Variants in WNT7A observed in about 807,000 individuals in gnomAD.
WNT7A encodes protein Wnt-7a.
Under a neutral mutation model 28.2 loss-of-function variants are expected in WNT7A, and 16 were observed. The ratio of observed to expected loss-of-function variants is 0.57; its 90% CI spans 0.38 to 0.86. The LOEUF (loss-of-function observed/expected upper bound fraction) is 0.86, where lower values mean the gene tolerates loss of function less well. Ranked by LOEUF, WNT7A falls within the 40% of genes least tolerant of loss-of-function variation. The pLI, the probability that WNT7A is intolerant of heterozygous loss-of-function variation, is 0.00. For missense variants in WNT7A, 411 were observed against 489.7 expected (o/e 0.84, Z 1.52); for synonymous variants, 190 against 195.9 (o/e 0.97, Z 0.25).
At chr3:13,867,832 T>C (rs867847321) in intron 2 of WNT7A, among the ~76,000 whole-genome samples, 5 of 151,996 alleles carry the variant, frequency 3.3e-5, no homozygotes, top group African/African-American at 7.3e-5. Context: ...AGCCAGTAAA[T>C]ACAGGAAGAT....
intron 2 of WNT7A, among the ~76,000 whole-genome samples, chr3:13,861,806 G>A (rs13069140): frequency 0.1 from 15,619 of 152,222 alleles, 844 homozygotes; most frequent in Admixed American, 0.14. Flanking sequence ...GCTCCTACTG[G>A]AATGATAGCT....
intron 3 of WNT7A, among the ~76,000 whole-genome samples, chr3:13,822,592 G>A (rs578236249): frequency 9.2e-5 from 14 of 152,318 alleles, no homozygotes; most frequent in African/African-American, 2.9e-4. Context: ...TAATGGGTAC[G>A]GGTTTCTTTC....
chr3:13,834,070 C>T (rs1273828092), intron 3 of WNT7A, among the ~76,000 whole-genome samples: 1 of 152,214 alleles, frequency 6.6e-6, no homozygotes, highest in Non-Finnish European at 1.5e-5. Context: ...CGCAAACTTG[C>T]TCCCGTTCCT....
At chr3:13,879,500 G>C (rs775812566) in intron 1 of WNT7A, among the ~76,000 whole-genome samples, 2 of 152,030 alleles carry the variant, frequency 1.3e-5, no homozygotes, top group Non-Finnish European at 2.9e-5. Flanking sequence ...CGTCCCTACC[G>C]GCTGTCTCTG....
intron 2 of WNT7A, among the ~76,000 whole-genome samples, chr3:13,859,291 G>A (rs1188889941): frequency 1.3e-5 from 2 of 152,182 alleles, no homozygotes; most frequent in Non-Finnish European, 2.9e-5. Flanking sequence ...TGTGTGAGGG[G>A]TGAGACAGAC....
intron 3 of WNT7A, among the ~76,000 whole-genome samples, chr3:13,854,066 A>T (rs1481214080): frequency 1.3e-5 from 2 of 152,036 alleles, no homozygotes; most frequent in East Asian, 3.9e-4. Context: ...GGGGCAGACC[A>T]GGTGAGCAAT....
intron 2 of WNT7A, among the ~76,000 whole-genome samples, chr3:13,860,342 C>A (rs1694809242): frequency 6.6e-6 from 1 of 152,228 alleles, no homozygotes; most frequent in Admixed American, 6.5e-5. Context: ...CCCACCAGTG[C>A]ATGGAAACCC....
chr3:13,871,112 T>C (rs756512733), intron 2 of WNT7A, among the ~76,000 whole-genome samples: 3 of 152,228 alleles, frequency 2.0e-5, no homozygotes, highest in Non-Finnish European at 4.4e-5. Context: ...CAGCTAGATG[T>C]GGCCATGTGA....
intron 3 of WNT7A, among the ~76,000 whole-genome samples, 159 bp from the exon 4 acceptor site, chr3:13,819,582 C>A (rs749238701): frequency 2.1e-5 from 3 of 144,674 alleles, no homozygotes; most frequent in Non-Finnish European, 4.5e-5. Context: ...GGATTCTAGG[C>A]CCTCTCATTC....
intron 1 of WNT7A, among the ~76,000 whole-genome samples, chr3:13,878,014 C>A (rs1295391490): frequency 6.6e-6 from 1 of 152,218 alleles, no homozygotes; most frequent in East Asian, 1.9e-4. Context: ...GCGCAGGGAG[C>A]AGCAGGGCCT....
In WNT7A at chr3:13,818,784, AT is replaced by A. The variant is rs202159136; in HGVS notation, c.*159del. 332 of 1,144,564 alleles carry A rather than the reference AT, an allele frequency of 2.9e-4. 1 individual carries two copies. Among genetic ancestry groups the A allele is most frequent in the Middle Eastern group, 8.9e-4 (3 of 3,376 alleles). The allele number at this position is 1,144,564 out of a possible 1,614,324, so 70.9% of individuals were successfully genotyped here. A position where few individuals can be genotyped will look rare whatever the true frequency, so the allele number is the denominator to read the frequency against. On this transcript the variant is annotated 3_prime_UTR_variant, in exon 4 of 4. Transcript: ENST00000285018. Reference sequence around the variant, plus strand: ...ACAGAATAGTTGAGGGCTCTGAGAGATTTTTTTTCCCCCACGGATGCCTGCA... The same window carrying A: ...ACAGAATAGTTGAGGGCTCTGAGAGATTTTTTTCCCCCACGGATGCCTGCA...
intron 3 of WNT7A, among the ~76,000 whole-genome samples, chr3:13,840,232 T>C (rs1045797704): frequency 6.6e-6 from 1 of 152,204 alleles, no homozygotes; most frequent in African/African-American, 2.4e-5. Flanking sequence ...TAAAATAAAA[T>C]GCCCCTGCTC....
At chr3:13,862,270 C>T (rs897053211) in intron 2 of WNT7A, among the ~76,000 whole-genome samples, 42 of 152,254 alleles carry the variant, frequency 2.8e-4, no homozygotes, top group Admixed American at 9.2e-4. Context: ...GTGGTTCCAG[C>T]TCCATAACGA....
At chr3:13,854,501 C>T (rs761798421) in intron 3 of WNT7A, 31 bp downstream of exon 3, 39 of 1,613,660 alleles carry the variant, frequency 2.4e-5, no homozygotes, top group South Asian at 5.5e-5. Flanking sequence ...TCTCCGCGAG[C>T]GCCGCCCAGC....
intron 2 of WNT7A, among the ~76,000 whole-genome samples, chr3:13,867,892 A>G (rs1414163041): frequency 2.0e-5 from 3 of 152,156 alleles, no homozygotes; most frequent in Non-Finnish European, 4.4e-5. Context: ...ATGCTGTTAG[A>G]TTGTCTTTCT....
In WNT7A at chr3:13,829,331, T is replaced by C. The variant is rs143878412; in HGVS notation, c.571-9908A>G. Among the ~76,000 whole-genome samples the C allele has an allele frequency of 1.7e-3, 265 of 152,364 alleles. 1 individual carries two copies. Among genetic ancestry groups the C allele is most frequent in the African/African-American group, 5.9e-3 (246 of 41,590 alleles). The stretch of plus-strand genomic sequence containing the variant: ...TGGTACTAGTAAGGCATTCTGTTAC[T>C]TGCAACCAAATGCATCCTAAGAGAT... On this transcript the variant is annotated intron_variant, in intron 3 of 3. Transcript: ENST00000285018.
chr3:13,863,998 G>C (rs1436663180), intron 2 of WNT7A: 1 of 152,180 alleles, frequency 6.6e-6, no homozygotes, highest in East Asian at 1.9e-4. Flanking sequence ...GAGTTTCCCA[G>C]ATTGTAGACA....
intron 1 of WNT7A, 49 bp from the exon 2 acceptor site, chr3:13,875,222 A>G (rs1695090555): frequency 1.9e-6 from 3 of 1,597,832 alleles, no homozygotes; most frequent in East Asian, 4.5e-5. Flanking sequence ...GCAAGGGGGC[A>G]TGGCCTGGGA....
chr3:13,865,867 G>A (rs1409799310), intron 2 of WNT7A, among the ~76,000 whole-genome samples: 1 of 152,218 alleles, frequency 6.6e-6, no homozygotes, highest in East Asian at 1.9e-4. Flanking sequence ...CATGATGGCA[G>A]AGAAGACTAA....
Sources: allele counts gnomAD v4.1 joint callset (sites outside exome capture counted in the v4.1 genomes callset), GRCh38; gene constraint gnomAD v4.1.1; transcripts MANE v1.5; gene names NCBI Gene and HGNC (gene_info 2026-07-23, HGNC 2026-07-21).